The following LPP variants were observed in gnomAD, a reference collection of about 807,000 sequenced individuals.
The protein encoded by LPP is lipoma-preferred partner.
Under a neutral mutation model 60.4 loss-of-function variants are expected in LPP, and 38 were observed. That is an observed-to-expected ratio of 0.63 (90% CI 0.49 to 0.83). The LOEUF is 0.83. Among genes scored for constraint, LPP ranks in the 40% least tolerant of loss-of-function variants. The pLI, the probability that LPP is intolerant of heterozygous loss-of-function variation, is 0.00. For synonymous variants in LPP, 328 were observed against 290.8 expected, an observed-to-expected ratio of 1.13 and a Z score of -1.30; for missense variants, 902 against 783.6, an observed-to-expected ratio of 1.15 and a Z score of -1.80.
rs150241777 is a variant in LPP, at chr3:188,557,163, T to G, written c.429+32376T>G. On this transcript the variant is annotated intron_variant, in intron 6 of 11. Coordinates refer to ENST00000617246, the MANE Select transcript of LPP (RefSeq NM_001375462.1). ...TGAATTCTTCTCATTCATATTTCTATAAACTCAAATAATGGTGCCTTTAAC... is the reference window on the plus strand; with the variant it reads ...TGAATTCTTCTCATTCATATTTCTAGAAACTCAAATAATGGTGCCTTTAAC... Among the ~76,000 whole-genome samples, 433 of 152,152 alleles carry G rather than the reference T, an allele frequency of 2.8e-3. 3 individuals are homozygous for G. The highest frequency in any genetic ancestry group is 4.1e-3 in the Non-Finnish European group (279 of 67,958).
At chr3:188,241,701 C>G (rs145947074) in intron 2 of LPP, among the ~76,000 whole-genome samples, 209 of 152,100 alleles carry the variant, frequency 1.4e-3, no homozygotes, top group African/African-American at 5.0e-3. Flanking sequence ...CATGGACAAC[C>G]TATTTTTAAA....
chr3:188,451,081 C>T (rs1257698705), intron 4 of LPP, among the ~76,000 whole-genome samples: 1 of 151,918 alleles, frequency 6.6e-6, no homozygotes, highest in Non-Finnish European at 1.5e-5. Context: ...AACATAAAGG[C>T]TTCACTAGGG....
At chr3:188,719,837 G>A (rs1252325791) in intron 8 of LPP, among the ~76,000 whole-genome samples, 2 of 152,140 alleles carry the variant, frequency 1.3e-5, no homozygotes, top group Admixed American at 6.5e-5. Flanking sequence ...TTGTCAGAAG[G>A]CATAATTAAT....
chr3:188,243,267 C>T (rs554472629), intron 2 of LPP, among the ~76,000 whole-genome samples: 1 of 152,182 alleles, frequency 6.6e-6, no homozygotes, highest in South Asian at 2.1e-4. Context: ...TAGTGAGAAC[C>T]GATTTAAAAC....
At chr3:188,584,393 G>C (rs955644428) in intron 6 of LPP, 4 of 152,078 alleles carry the variant, frequency 2.6e-5, no homozygotes, top group African/African-American at 9.7e-5. Context: ...TTTTTCCGTA[G>C]GTTGCGAAAG....
chr3:188,298,132 C>T (rs1748552193), intron 2 of LPP, among the ~76,000 whole-genome samples: 1 of 152,206 alleles, frequency 6.6e-6, no homozygotes, highest in African/African-American at 2.4e-5. Flanking sequence ...AAACCTATCT[C>T]TCCAAACCCA....
At chr3:188,262,771 G>T (rs902093402) in intron 2 of LPP, among the ~76,000 whole-genome samples, 26 of 151,070 alleles carry the variant, frequency 1.7e-4, no homozygotes, top group African/African-American at 6.3e-4. Flanking sequence ...CTCGAGTTAA[G>T]AATCAGTCTC....
At chr3:188,502,950 A>G (rs1812335860) in intron 5 of LPP, among the ~76,000 whole-genome samples, 1 of 152,132 alleles carries the variant, frequency 6.6e-6, no homozygotes. Context: ...CTTTTACACC[A>G]TCATATGGTA....
intron 4 of LPP, among the ~76,000 whole-genome samples, chr3:188,460,604 G>T (rs73052724): frequency 6.6e-6 from 1 of 151,624 alleles, no homozygotes; most frequent in African/African-American, 2.4e-5. Context: ...TTAAAACATG[G>T]TATAATTTTA....
intron 2 of LPP, among the ~76,000 whole-genome samples, chr3:188,319,306 A>G (rs1350737140): frequency 2.0e-5 from 3 of 152,238 alleles, no homozygotes; most frequent in Admixed American, 1.3e-4. Flanking sequence ...ATGCCTGTCC[A>G]AATACAGAAT....
At chr3:188,612,387 A>G (rs1317300163) in intron 7 of LPP, among the ~76,000 whole-genome samples, 1 of 152,182 alleles carries the variant, frequency 6.6e-6, no homozygotes, top group Non-Finnish European at 1.5e-5. Context: ...ACCTGTGCAC[A>G]GAGGACCTTA....
At chr3:188,789,283 C>G (rs575235797) in intron 9 of LPP, among the ~76,000 whole-genome samples, 2 of 148,636 alleles carry the variant, frequency 1.3e-5, no homozygotes, top group South Asian at 4.3e-4. Context: ...GTTCTGGAAC[C>G]CTTTTTGTTG....
intron 1 of LPP, among the ~76,000 whole-genome samples, chr3:188,198,777 C>G (rs577187542): frequency 6.6e-6 from 1 of 152,244 alleles, no homozygotes; most frequent in African/African-American, 2.4e-5. Context: ...CACTGACAAC[C>G]CTAGAGAAAC....
intron 8 of LPP, among the ~76,000 whole-genome samples, chr3:188,725,749 C>A (rs1339517796): frequency 1.3e-5 from 2 of 152,030 alleles, no homozygotes; most frequent in African/African-American, 4.8e-5. Flanking sequence ...AGCTCAATTC[C>A]AATATGATAC....
At chr3:188,447,686 A>T (rs1010912819) in intron 4 of LPP, among the ~76,000 whole-genome samples, 2 of 151,368 alleles carry the variant, frequency 1.3e-5, no homozygotes, top group African/African-American at 4.9e-5. Flanking sequence ...GATGCAGGAG[A>T]ATCACTTAAA....
At chr3:188,465,527 A>T (rs1393175374) in intron 4 of LPP, among the ~76,000 whole-genome samples, 1 of 152,204 alleles carries the variant, frequency 6.6e-6, no homozygotes, top group Non-Finnish European at 1.5e-5. Flanking sequence ...TTCATTCCAA[A>T]GAATGTGTGT....
intron 2 of LPP, among the ~76,000 whole-genome samples, chr3:188,303,356 G>C (rs1019924733): frequency 6.6e-6 from 1 of 152,198 alleles, no homozygotes; most frequent in East Asian, 1.9e-4. Context: ...AGAGAACTTT[G>C]TTTTGTTCAT....
At chr3:188,335,075 A>G (rs953152783) in intron 2 of LPP, among the ~76,000 whole-genome samples, 38 of 152,342 alleles carry the variant, frequency 2.5e-4, no homozygotes, top group African/African-American at 7.9e-4. Context: ...ACTATCTTGA[A>G]TAAAAGTGGT....
At chr3:188,859,028 G>A (rs1319337080) in intron 9 of LPP, among the ~76,000 whole-genome samples, 2 of 146,254 alleles carry the variant, frequency 1.4e-5, no homozygotes, top group African/African-American at 5.1e-5. Context: ...GGCAGAGGTT[G>A]CAGTGAGCCG....
Sources: gnomAD v4.1 joint callset for allele counts (sites outside exome capture counted in the v4.1 genomes callset) on GRCh38, gnomAD v4.1.1 for gene constraint, MANE v1.5 for transcripts, NCBI Gene and HGNC (gene_info 2026-07-23, HGNC 2026-07-21) for gene names.